The following CPQ variants were observed in gnomAD, a reference collection of about 807,000 sequenced individuals.
CPQ encodes the protein Ser-Met dipeptidase.
In CPQ, 37 loss-of-function variants were observed where a neutral mutation model predicts 45.7. The observed-to-expected ratio is 0.81, with a 90% CI of 0.62 to 1.07. CPQ has a LOEUF of 1.07. CPQ is among the 50% of genes least tolerant of loss of function. The pLI, the probability that CPQ is intolerant of heterozygous loss-of-function variation, is 0.00. For synonymous variants in CPQ, 186 were observed against 205.8 expected, an observed-to-expected ratio of 0.90 and a Z score of 0.82; for missense variants, 537 against 572.9, an observed-to-expected ratio of 0.94 and a Z score of 0.64.
At chr8:97,080,054 GA>G (rs1201534332) in intron 7 of CPQ, among the ~76,000 whole-genome samples, 1 of 152,118 alleles carries the variant, frequency 6.6e-6, no homozygotes, top group East Asian at 1.9e-4. Context: ...CTTCTCCTTG[GA>G]AGGACTCCAG....
chr8:97,087,447 TC>T (rs1811059310), intron 7 of CPQ, among the ~76,000 whole-genome samples: 1 of 152,170 alleles, frequency 6.6e-6, no homozygotes, highest in Non-Finnish European at 1.5e-5. Flanking sequence ...GAGCAGTTCT[TC>T]CATAGCAAGT....
intron 3 of CPQ, among the ~76,000 whole-genome samples, chr8:96,868,490 A>C (rs751897925): frequency 5.9e-5 from 9 of 152,034 alleles, no homozygotes; most frequent in Non-Finnish European, 1.0e-4. Context: ...AATAACTCAT[A>C]TCATATACAT....
chr8:96,845,796 T>C (rs1245259345), intron 3 of CPQ, among the ~76,000 whole-genome samples: 4 of 152,192 alleles, frequency 2.6e-5, no homozygotes, highest in Admixed American at 2.6e-4. Context: ...ATATACTCTT[T>C]ATAAGAAATT....
intron 2 of CPQ, among the ~76,000 whole-genome samples, chr8:96,810,157 T>A (rs1318046061): frequency 6.6e-6 from 1 of 152,150 alleles, no homozygotes; most frequent in Non-Finnish European, 1.5e-5. Flanking sequence ...TTTCTCCCCA[T>A]CCCTTTCACA....
chr8:96,891,415 G>T (rs1367838880), intron 4 of CPQ, among the ~76,000 whole-genome samples: 3 of 152,162 alleles, frequency 2.0e-5, no homozygotes, highest in Admixed American at 2.0e-4. Flanking sequence ...GGCAAATTAG[G>T]CACTCAGCAG....
chr8:96,972,641 T>A (rs1813698842), intron 5 of CPQ, among the ~76,000 whole-genome samples: 11 of 152,164 alleles, frequency 7.2e-5, no homozygotes, highest in Admixed American at 7.2e-4. Context: ...TTCACTCCCC[T>A]GCTAATTCCA....
intron 1 of CPQ, among the ~76,000 whole-genome samples, chr8:96,724,490 G>GACAC (rs146087978): frequency 0.022 from 3,231 of 144,746 alleles, 105 homozygotes; most frequent in African/African-American, 0.07. Flanking sequence ...ATTTAGAGTA[G>GACAC]ACACACACAC....
chr8:96,782,322 C>T (rs1810697777), intron 1 of CPQ, among the ~76,000 whole-genome samples: 1 of 152,188 alleles, frequency 6.6e-6, no homozygotes, highest in Non-Finnish European at 1.5e-5. Flanking sequence ...ACTGCTTGTG[C>T]ACTCAGGAGC....
chr8:96,720,873 G>A (rs1171728161), intron 1 of CPQ, among the ~76,000 whole-genome samples: 1 of 151,892 alleles, frequency 6.6e-6, no homozygotes, highest in Admixed American at 6.6e-5. Context: ...CCCTTGTTGC[G>A]AATGCATTTT....
intron 1 of CPQ, among the ~76,000 whole-genome samples, chr8:96,776,943 C>A (rs1357727299): frequency 6.6e-6 from 1 of 152,056 alleles, no homozygotes; most frequent in Non-Finnish European, 1.5e-5. Context: ...ACTTTGAATT[C>A]AAGTGAAGGA....
intron 6 of CPQ, among the ~76,000 whole-genome samples, chr8:97,042,218 G>C (rs1468337223): frequency 6.8e-6 from 1 of 146,674 alleles, no homozygotes; most frequent in African/African-American, 2.5e-5. Context: ...TCTTGGGAGG[G>C]TGTATGTGTC....
chr8:97,018,726 TG>T (rs1366838526), intron 5 of CPQ, among the ~76,000 whole-genome samples: 3 of 152,172 alleles, frequency 2.0e-5, no homozygotes, highest in African/African-American at 7.2e-5. Context: ...CCAAGAAGTC[TG>T]GGATTATGTT....
intron 6 of CPQ, among the ~76,000 whole-genome samples, chr8:97,054,045 G>A (rs750471636): frequency 1.3e-5 from 2 of 152,132 alleles, no homozygotes; most frequent in Non-Finnish European, 1.5e-5. Context: ...GTTTGAACCT[G>A]TTAAGTTTGA....
chr8:96,960,788 T>A (rs1173362303), intron 4 of CPQ, among the ~76,000 whole-genome samples: 2 of 152,098 alleles, frequency 1.3e-5, no homozygotes, highest in East Asian at 3.9e-4. Flanking sequence ...TATTATAGAA[T>A]CATAATCTTC....
At chr8:97,054,843 G>T (rs1810424755) in intron 6 of CPQ, among the ~76,000 whole-genome samples, 2 of 152,152 alleles carry the variant, frequency 1.3e-5, no homozygotes, top group South Asian at 2.1e-4. Flanking sequence ...CGGGTTACGG[G>T]TGCACTAAAA....
intron 1 of CPQ, among the ~76,000 whole-genome samples, chr8:96,710,834 G>C (rs958565336): frequency 1.3e-5 from 2 of 152,188 alleles, no homozygotes; most frequent in African/African-American, 4.8e-5. Flanking sequence ...TTCTTGGGTA[G>C]AATATTCTGT....
In CPQ at chr8:97,143,187, C is replaced by A; in HGVS notation, c.*4C>A. 1 of 1,613,316 alleles carries A rather than the reference C, an allele frequency of 6.2e-7. No individual in the cohort carries two copies. Among genetic ancestry groups the A allele is most frequent in the Non-Finnish European group, 8.5e-7 (1 of 1,179,680 alleles). ...AGAAATGCTGCCTAGGTCCTAGAAA[C>A]AGTAAGAAAGAAACGTTTTCATGCT... is the stretch of plus-strand genomic sequence containing the variant. On this transcript the variant is annotated 3_prime_UTR_variant, in exon 8 of 8. Coordinates refer to ENST00000220763, the MANE Select transcript of CPQ (RefSeq NM_016134.4).
chr8:96,758,203 A>G (rs1211192956), intron 1 of CPQ, among the ~76,000 whole-genome samples: 1 of 152,228 alleles, frequency 6.6e-6, no homozygotes, highest in East Asian at 1.9e-4. Flanking sequence ...AGTAGAGCTC[A>G]TAGAATGGGA....
At chr8:96,697,737 T>G (rs1809404713) in intron 1 of CPQ, among the ~76,000 whole-genome samples, 1 of 151,668 alleles carries the variant, frequency 6.6e-6, no homozygotes, top group Non-Finnish European at 1.5e-5. Flanking sequence ...AAAAAGAAAT[T>G]TAAAAAGTAA....
Sources: allele counts gnomAD v4.1 joint callset (sites outside exome capture counted in the v4.1 genomes callset), GRCh38; gene constraint gnomAD v4.1.1; transcripts MANE v1.5; gene names NCBI Gene and HGNC (gene_info 2026-07-23, HGNC 2026-07-21).